The following MGA variants were observed in gnomAD, a reference collection of about 807,000 sequenced individuals.
The protein encoded by MGA is MAX gene-associated protein.
In MGA, 40 loss-of-function variants were observed where a neutral mutation model predicts 261.1. The ratio of observed to expected loss-of-function variants is 0.15; its 90% CI spans 0.12 to 0.20. The LOEUF (loss-of-function observed/expected upper bound fraction) is 0.20, where lower values mean the gene tolerates loss of function less well. MGA is among the 10% of genes least tolerant of loss of function. The pLI, the probability that MGA is intolerant of heterozygous loss-of-function variation, is 1.00. For synonymous variants in MGA, 1,302 were observed against 1,290.6 expected, an observed-to-expected ratio of 1.01 and a Z score of -0.19; for missense variants, 3,397 against 3,630.5, an observed-to-expected ratio of 0.94 and a Z score of 1.65.
chr15:41,646,857 T>A (rs2056944970), intron 1 of MGA, among the ~76,000 whole-genome samples: 1 of 152,170 alleles, frequency 6.6e-6, no homozygotes, highest in East Asian at 1.9e-4. Context: ...GTAACCTGTA[T>A]GTGTACACTG....
chr15:41,676,439 C>T (rs2058382857), intron 2 of MGA, among the ~76,000 whole-genome samples: 1 of 152,250 alleles, frequency 6.6e-6, no homozygotes, highest in South Asian at 2.1e-4. Flanking sequence ...CAGGCGTGAG[C>T]CACCGTGCCT....
Position 41,767,364 on chromosome 15 carries a change from T to G in MGA, c.*84T>G. The G allele has an allele frequency of 7.0e-7, 1 of 1,426,940 alleles. No homozygotes were observed. The allele number at this position is 1,426,940 out of a possible 1,614,324, so 88.4% of individuals were successfully genotyped here. ...CTCTGCAGGCATCTGTTTGTTTGTG[T>G]CTTAGAACTTGGATCCTTGACTTCA... On this transcript the variant is annotated 3_prime_UTR_variant, in exon 24 of 24. Transcript: ENST00000219905.
chr15:41,744,543 A>G (rs2062325090), intron 15 of MGA, among the ~76,000 whole-genome samples: 2 of 152,166 alleles, frequency 1.3e-5, no homozygotes, highest in Non-Finnish European at 2.9e-5. Context: ...CTTCCCACAA[A>G]TAAGCCCATA....
In MGA at chr15:41,766,478, T is replaced by C; in HGVS notation, c.8396T>C (p.Ile2799Thr). 6.2e-7 allele frequency: 1 copy of C among 1,613,996 alleles called. No individual in the cohort carries two copies. The highest frequency in any genetic ancestry group is 8.5e-7 in the Non-Finnish European group (1 of 1,179,898). The change falls in exon 24 of 24, where the codon ATA becomes ACA. Residue 2799 changes from isoleucine (I) to threonine (T), a missense_variant. Ile to Thr is a moderately conservative substitution (Grantham distance 89). This residue lies in a region of MGA where 647 missense variants were observed against 642.4 expected (regional missense o/e 1.01). Coordinates refer to ENST00000219905, the MANE Select transcript of MGA (RefSeq NM_001164273.2). ...GAACTGAGGAAAGTAACATCAGCTATAGAGGAAGCAGCTCTTGATTCCAGT... is the reference window on the plus strand; with the variant it reads ...GAACTGAGGAAAGTAACATCAGCTACAGAGGAAGCAGCTCTTGATTCCAGT...
intron 8 of MGA, among the ~76,000 whole-genome samples, chr15:41,712,560 C>G (rs1002925206): frequency 2.0e-5 from 3 of 152,100 alleles, no homozygotes; most frequent in Admixed American, 6.6e-5. Flanking sequence ...AATTCTATGA[C>G]TGAATTCTGG....
chr15:41,728,415 A>C lies in MGA; in HGVS notation c.3658-749A>C, dbSNP rs77472728. On this transcript the variant is annotated intron_variant, in intron 10 of 23. Coordinates refer to ENST00000219905, the MANE Select transcript of MGA (RefSeq NM_001164273.2). Reference sequence around the variant, plus strand: ...GTCCAAATTCTGCATATAATTTTCAACTCCCCCAAAACTGAACTCTTAATA... The same window carrying C: ...GTCCAAATTCTGCATATAATTTTCACCTCCCCCAAAACTGAACTCTTAATA... Among the ~76,000 whole-genome samples, 350 of 152,178 alleles carry C rather than the reference A, an allele frequency of 2.3e-3. 13 individuals carry two copies. The East Asian group carries it at 0.063, about 27-fold the overall frequency.
rs193192227 is a variant in MGA, at chr15:41,749,976, A to G, written c.6369A>G (p.Pro2123=). The change falls in exon 17 of 24, where the codon CCA becomes CCG. Residue 2123 remains proline, a synonymous_variant. Transcript: ENST00000219905. ...AACAGCAGAAAGGATTTGACAATCC[A>G]GAAGAAAACTCAAGTGAATTTCCAG... 69 of 1,612,516 alleles carry G rather than the reference A, an allele frequency of 4.3e-5. No individual in the cohort carries two copies. In the East Asian group the frequency reaches 1.4e-3, roughly 33 times the overall value.
At chr15:41,752,962 T>C (rs17734856) in intron 17 of MGA, among the ~76,000 whole-genome samples, 42,521 of 152,140 alleles carry the variant, frequency 0.28, 7,183 homozygotes, top group Admixed American at 0.38. Context: ...TCATATTAAG[T>C]GATCTCTAAA....
intron 2 of MGA, among the ~76,000 whole-genome samples, chr15:41,674,488 A>G (rs953136924): frequency 1.3e-5 from 2 of 151,796 alleles, no homozygotes; most frequent in Non-Finnish European, 1.5e-5. Flanking sequence ...ATGAGCCACT[A>G]TGCCCAGCTT....
intron 2 of MGA, among the ~76,000 whole-genome samples, chr15:41,673,869 T>C (rs936687775): frequency 1.1e-4 from 16 of 152,224 alleles, no homozygotes; most frequent in African/African-American, 3.9e-4. Flanking sequence ...TCTATGACTT[T>C]GACCTCTTCT....
At chr15:41,726,728 CAAAAA>C (rs71108124) in intron 9 of MGA, among the ~76,000 whole-genome samples, 1 of 129,888 alleles carries the variant, frequency 7.7e-6, no homozygotes, top group African/African-American at 2.9e-5. Flanking sequence ...GACTCTGTCT[CAAAAA>C]AAAAAAAAAA....
In MGA at chr15:41,670,114, C is replaced by T. The variant is rs573616610; in HGVS notation, c.1064+156C>T. Among the ~76,000 whole-genome samples the T allele has an allele frequency of 2.6e-5, 4 of 152,226 alleles. No homozygotes were observed. In the South Asian group the frequency reaches 8.3e-4, roughly 32 times the overall value. ...ACTGCTTTTACATTCTGTGAAGTGA[C>T]ATCATTTTTCTGTAATGAGAATCAG... On this transcript the variant is annotated intron_variant, in intron 2 of 23. Coordinates refer to ENST00000219905, the MANE Select transcript of MGA (RefSeq NM_001164273.2).
chr15:41,669,045 G>A lies in MGA; in HGVS notation c.151G>A (p.Ala51Thr), dbSNP rs2057916179. Residue 51 changes from alanine to threonine, a missense_variant, in exon 2 of 24, where the codon GCT (alanine) becomes ACT (threonine). Transcript: ENST00000219905. Reference sequence around the variant, plus strand: ...TACTAATCAGGATGCCTGTGCTTTGGCTAGTAGTGTGTCATCACCAGTAAA... The same window carrying A: ...TACTAATCAGGATGCCTGTGCTTTGACTAGTAGTGTGTCATCACCAGTAAA... 1.9e-6 allele frequency: 3 copies of A among 1,613,126 alleles called. No homozygotes were observed. The highest frequency in any genetic ancestry group is 2.2e-5 in the South Asian group (2 of 91,084).
Position 41,688,720 on chromosome 15 carries a change from C to T in MGA, c.1065-7355C>T, listed in dbSNP as rs185883476. Among the ~76,000 whole-genome samples the T allele has an allele frequency of 5.8e-3, 466 of 80,596 alleles. 2 individuals are homozygous for T. The highest frequency in any genetic ancestry group is 0.013 in the African/African-American group (446 of 34,326). The allele number at this position is 80,596 out of a possible 152,430, so 52.9% of individuals were successfully genotyped here. On this transcript the variant is annotated intron_variant, in intron 2 of 23. Coordinates refer to ENST00000219905, the MANE Select transcript of MGA (RefSeq NM_001164273.2). ...TCAAATTCCATTTATATAAAAATTA[C>T]CTCTTTGTAATTTTTTTAGTGGTTG...
At chr15:41,668,805 GT>G (rs1045614257) in intron 1 of MGA, 22 bp from the exon 2 acceptor site, 201 of 1,012,982 alleles carry the variant, frequency 2.0e-4, no homozygotes, top group Non-Finnish European at 2.4e-4. Context: ...TTTGTTTTTG[GT>G]TTTTTTTTGC....
chr15:41,635,637 A>C (rs1170314103), intron 1 of MGA, among the ~76,000 whole-genome samples: 1 of 152,116 alleles, frequency 6.6e-6, no homozygotes, highest in Non-Finnish European at 1.5e-5. Flanking sequence ...TCAAGGCTGC[A>C]GGGAGCCATG....
At chr15:41,745,281 TAAAAAAAA>T (rs71108126) in intron 15 of MGA, among the ~76,000 whole-genome samples, 3,550 of 33,150 alleles carry the variant, frequency 0.11, 52 homozygotes, top group South Asian at 0.24. Flanking sequence ...GAATGATCAA[TAAAAAAAA>T]AAAAAAAAAA....
chr15:41,650,017 T>A (rs2057010194), intron 1 of MGA, among the ~76,000 whole-genome samples: 2 of 152,184 alleles, frequency 1.3e-5, no homozygotes, highest in South Asian at 4.1e-4. Flanking sequence ...ACCAAAGTAA[T>A]TCTTTACTTC....
At chr15:41,671,112 C>T (rs1314912909) in intron 2 of MGA, among the ~76,000 whole-genome samples, 3 of 152,108 alleles carry the variant, frequency 2.0e-5, no homozygotes, top group Non-Finnish European at 2.9e-5. Context: ...GGCACCAGTC[C>T]TCCTCAGATA....
Sources: gnomAD v4.1 joint callset for allele counts (sites outside exome capture counted in the v4.1 genomes callset) on GRCh38, gnomAD v4.1.1 for gene constraint, gnomAD v4.1.1 regional missense constraint, MANE v1.5 for transcripts, NCBI Gene and HGNC (gene_info 2026-07-23, HGNC 2026-07-21) for gene names.